The following SUMF1 variants were observed in gnomAD, a reference collection of about 807,000 sequenced individuals.
SUMF1 encodes the protein formylglycine-generating enzyme.
A neutral mutation model predicts 47.6 loss-of-function variants in SUMF1; 48 were observed. The ratio of observed to expected loss-of-function variants is 1.01; its 90% CI spans 0.80 to 1.28. The LOEUF (loss-of-function observed/expected upper bound fraction) is 1.28. Among genes scored for constraint, SUMF1 ranks in the 50% most tolerant of loss-of-function variants. The pLI is 0.00. For missense variants in SUMF1, 571 were observed against 485.4 expected (o/e 1.18, Z -1.66); for synonymous variants, 230 against 192.1 (o/e 1.20, Z -1.63).
chr3:4,423,541 G>T (rs1031535381), intron 3 of SUMF1, among the ~76,000 whole-genome samples: 1 of 152,108 alleles, frequency 6.6e-6, no homozygotes, highest in Admixed American at 6.6e-5. Flanking sequence ...CGACTGTATG[G>T]CTAGCACTGA....
intron 8 of SUMF1, among the ~76,000 whole-genome samples, chr3:4,110,130 T>C (rs551945494): frequency 2.6e-5 from 4 of 152,150 alleles, no homozygotes; most frequent in Admixed American, 1.3e-4. Flanking sequence ...TGTTTGTTAG[T>C]TTTCCTTCTG....
chr3:4,252,042 A>C (rs1359833715), intron 8 of SUMF1, among the ~76,000 whole-genome samples: 3 of 152,228 alleles, frequency 2.0e-5, no homozygotes, highest in African/African-American at 7.2e-5. Flanking sequence ...AACCTGCAAT[A>C]TCTGCAAGGT....
intron 8 of SUMF1, among the ~76,000 whole-genome samples, chr3:4,196,576 T>G (rs957402733): frequency 6.6e-6 from 1 of 152,110 alleles, no homozygotes; most frequent in Non-Finnish European, 1.5e-5. Context: ...GCTGAGGCAC[T>G]TCCCAGACAT....
intron 8 of SUMF1, among the ~76,000 whole-genome samples, chr3:4,338,298 G>A (rs984328730): frequency 6.6e-6 from 1 of 151,248 alleles, no homozygotes; most frequent in African/African-American, 2.4e-5. Context: ...AAAAAAAAAA[G>A]ATACTTTAAA....
chr3:4,143,320 G>A (rs1423751294), intron 8 of SUMF1, among the ~76,000 whole-genome samples: 2 of 152,058 alleles, frequency 1.3e-5, no homozygotes, highest in Admixed American at 6.6e-5. Context: ...TGTGTACCAG[G>A]GATAAGTCAG....
chr3:4,254,370 A>T (rs922865929), intron 8 of SUMF1, among the ~76,000 whole-genome samples: 8 of 151,496 alleles, frequency 5.3e-5, no homozygotes, highest in African/African-American at 1.7e-4. Flanking sequence ...TTTGAAAAAA[A>T]ATTTAGAAGA....
At chr3:4,445,527 T>C (rs1051736411) in intron 3 of SUMF1, among the ~76,000 whole-genome samples, 1 of 152,058 alleles carries the variant, frequency 6.6e-6, no homozygotes, top group Non-Finnish European at 1.5e-5. Context: ...TTTGTAGAGA[T>C]GGGGTCTCTC....
intron 1 of SUMF1, among the ~76,000 whole-genome samples, chr3:4,466,117 C>CA (rs1559319452): frequency 6.8e-6 from 1 of 147,954 alleles, no homozygotes; most frequent in Non-Finnish European, 1.5e-5. Flanking sequence ...TTCTTTCTTT[C>CA]TTTTTTTTTT....
At chr3:4,231,960 G>A (rs1023582739) in intron 8 of SUMF1, among the ~76,000 whole-genome samples, 1 of 152,076 alleles carries the variant, frequency 6.6e-6, no homozygotes, top group Admixed American at 6.5e-5. Context: ...TTGTCAAGTG[G>A]CAAAGAGTAT....
intron 3 of SUMF1, among the ~76,000 whole-genome samples, chr3:4,430,468 T>C (rs711654): frequency 0.23 from 35,059 of 152,030 alleles, 5,030 homozygotes; most frequent in Non-Finnish European, 0.32. Context: ...AAAATTAGTA[T>C]ACTATGAAAA....
At chr3:4,382,836 C>A (rs1040073820) in intron 7 of SUMF1, among the ~76,000 whole-genome samples, 1 of 152,048 alleles carries the variant, frequency 6.6e-6, no homozygotes, top group Non-Finnish European at 1.5e-5. Context: ...AACCAAACAC[C>A]GCATGTTCTC....
intron 9 of SUMF1, among the ~76,000 whole-genome samples, chr3:4,046,466 C>G (rs1695009529): frequency 6.6e-6 from 1 of 152,160 alleles, no homozygotes; most frequent in South Asian, 2.1e-4. Context: ...TAAATTCCTC[C>G]ACAACTCTTC....
intron 8 of SUMF1, among the ~76,000 whole-genome samples, chr3:4,104,230 A>C (rs1388353965): frequency 6.6e-6 from 1 of 151,932 alleles, no homozygotes; most frequent in Non-Finnish European, 1.5e-5. Context: ...TTTTATAAGG[A>C]GTTTCCCCTT....
chr3:4,463,798 G>C (rs773540356), intron 1 of SUMF1, among the ~76,000 whole-genome samples: 7 of 152,146 alleles, frequency 4.6e-5, no homozygotes, highest in Non-Finnish European at 1.0e-4. Flanking sequence ...TCTTCTAAAA[G>C]ATAAAAGCAG....
At chr3:4,459,117 T>C (rs1023686340) in intron 1 of SUMF1, among the ~76,000 whole-genome samples, 1 of 152,220 alleles carries the variant, frequency 6.6e-6, no homozygotes, top group African/African-American at 2.4e-5. Context: ...GCTTTAGTGA[T>C]GTATTGCACA....
chr3:4,065,315 A>C (rs1385423906), intron 9 of SUMF1, among the ~76,000 whole-genome samples: 1 of 152,098 alleles, frequency 6.6e-6, no homozygotes, highest in African/African-American at 2.4e-5. Flanking sequence ...AAAGAAGAGG[A>C]AATGAGAATG....
rs141610748 is a variant in SUMF1 at position 4,435,236 on chromosome 3, A to G, written c.519+14030T>C. Among the ~76,000 whole-genome samples, 24 of 152,280 alleles carry G rather than the reference A, an allele frequency of 1.6e-4. No individual in the cohort carries two copies. The East Asian group carries it at 4.3e-3, about 27-fold the overall frequency. On this transcript the variant is annotated intron_variant, in intron 3 of 8. Coordinates refer to ENST00000272902, the MANE Select transcript of SUMF1 (RefSeq NM_182760.4). ...GCCACCGGGCCCAGACAAAGACTTT[A>G]AAGGAGCTATTACAATCATCGGCTA...
intron 9 of SUMF1, among the ~76,000 whole-genome samples, chr3:4,051,802 A>G (rs959318306): frequency 4.6e-5 from 7 of 152,156 alleles, no homozygotes; most frequent in Admixed American, 2.6e-4. Flanking sequence ...TGGTTTGCAC[A>G]TCGGAAAAGA....
At chr3:4,354,142 A>AC (rs1408284062) in intron 8 of SUMF1, among the ~76,000 whole-genome samples, 1 of 152,192 alleles carries the variant, frequency 6.6e-6, no homozygotes, top group Admixed American at 6.5e-5. Context: ...GGCATAAGCC[A>AC]CCCTGCCCAG....
Sources: allele counts gnomAD v4.1 joint callset (sites outside exome capture counted in the v4.1 genomes callset), GRCh38; gene constraint gnomAD v4.1.1; transcripts MANE v1.5; gene names NCBI Gene and HGNC (gene_info 2026-07-23, HGNC 2026-07-21).